The following UIMC1 variants were observed in gnomAD, a reference collection of about 807,000 sequenced individuals.
UIMC1 encodes the protein BRCA1-A complex subunit RAP80.
In UIMC1, 42 loss-of-function variants were observed where a neutral mutation model predicts 84.9. The ratio of observed to expected loss-of-function variants is 0.49; its 90% confidence interval spans 0.39 to 0.64. The LOEUF (loss-of-function observed/expected upper bound fraction) is 0.64, where lower values mean the gene tolerates loss of function less well. Ranked by LOEUF, UIMC1 falls within the 30% of genes least tolerant of loss-of-function variation. The pLI, the probability that UIMC1 is intolerant of heterozygous loss-of-function variation, is 0.00. For synonymous variants in UIMC1, 281 were observed against 293.0 expected, an observed-to-expected ratio of 0.96 and a Z score of 0.42; for missense variants, 825 against 847.6, an observed-to-expected ratio of 0.97 and a Z score of 0.33.
chr5:177,012,597 G>A (rs1173468147), intron 1 of UIMC1, among the ~76,000 whole-genome samples: 1 of 152,028 alleles, frequency 6.6e-6, no homozygotes, highest in Non-Finnish European at 1.5e-5. Flanking sequence ...GGAGGCTGAG[G>A]CAAGAGAATC....
chr5:177,005,993 C>G (rs1306658854), intron 1 of UIMC1, among the ~76,000 whole-genome samples: 1 of 152,118 alleles, frequency 6.6e-6, no homozygotes, highest in Non-Finnish European at 1.5e-5. Flanking sequence ...TAGGGATCTC[C>G]AAGGAGTGCG....
intron 10 of UIMC1, among the ~76,000 whole-genome samples, chr5:176,930,383 T>C (rs982126310): frequency 3.3e-5 from 5 of 152,236 alleles, no homozygotes; most frequent in African/African-American, 1.2e-4. Flanking sequence ...AGAGCACAGA[T>C]TACTAGCTTT....
intron 10 of UIMC1, among the ~76,000 whole-genome samples, chr5:176,911,998 T>G (rs1760274851): frequency 6.6e-6 from 1 of 152,222 alleles, no homozygotes; most frequent in Admixed American, 6.5e-5. Context: ...AATAGTCTCT[T>G]AAAGGATCTT....
At chr5:176,926,307 A>G (rs1476594348) in intron 10 of UIMC1, among the ~76,000 whole-genome samples, 1 of 152,020 alleles carries the variant, frequency 6.6e-6, no homozygotes, top group Non-Finnish European at 1.5e-5. Flanking sequence ...TGAGTATAAT[A>G]ATGGTGTTAC....
chr5:176,908,280 A>G (rs1759666437), intron 12 of UIMC1, among the ~76,000 whole-genome samples: 1 of 152,216 alleles, frequency 6.6e-6, no homozygotes, highest in Non-Finnish European at 1.5e-5. Flanking sequence ...GAGTAGCTAA[A>G]TTATAGGTGA....
chr5:176,977,240 A>AG (rs1401619406), intron 2 of UIMC1, among the ~76,000 whole-genome samples: 12 of 151,330 alleles, frequency 7.9e-5, no homozygotes, highest in Admixed American at 1.3e-4. Context: ...AAAAAAAAAA[A>AG]AGAGAGAGAG....
chr5:177,001,893 T>C (rs1338221260), intron 1 of UIMC1: 1 of 139,114 alleles, frequency 7.2e-6, no homozygotes, highest in Non-Finnish European at 1.5e-5. Flanking sequence ...GAGCTTGCAG[T>C]GAGCTGAGAT....
upstream of UIMC1, among the ~76,000 whole-genome samples, chr5:177,008,601 T>C (rs1285057585): frequency 1.3e-5 from 2 of 152,120 alleles, no homozygotes; most frequent in Admixed American, 6.6e-5. Flanking sequence ...GGAAGACTAT[T>C]GATGCATTGG....
At position 176,905,229 on chromosome 5, in the gene UIMC1, AC is replaced by A. The variant is rs895305966; in HGVS notation, c.*52del. On this transcript the variant is annotated 3_prime_UTR_variant, in exon 15 of 15. Coordinates refer to ENST00000511320, the MANE Select transcript of UIMC1 (RefSeq NM_001199298.2). ...ACTAGGGACCACTATGGCTTAATGA[AC>A]ATGGCCCACCCCTCCTACTAATGGT... The A allele has an allele frequency of 6.3e-7, 1 of 1,590,106 alleles. No individual in the cohort carries two copies. Among genetic ancestry groups the A allele is most frequent in the Non-Finnish European group, 8.6e-7 (1 of 1,164,502 alleles).
At position 176,951,489 on chromosome 5, in the gene UIMC1, T is replaced by C; in HGVS notation, c.1428A>G (p.Ile476Met). Residue 476 changes from isoleucine (I) to methionine (M), a missense_variant, in exon 9 of 15, where the codon ATA becomes ATG. By Grantham distance (10) the Ile-to-Met change is conservative (BLOSUM62 1). Transcript: ENST00000511320. ...SRDILDGVRI[I>M]MADKEVGNKE... Reference sequence around the variant, plus strand: ...AAATATTCACCTCCTTATCTGCCATTATTATTCTGACTCCATCCAAGATAT... The same window carrying C: ...AAATATTCACCTCCTTATCTGCCATCATTATTCTGACTCCATCCAAGATAT... 1.3e-6 allele frequency: 2 copies of C among 1,554,826 alleles called. No homozygotes were observed. Among genetic ancestry groups the C allele is most frequent in the Non-Finnish European group, 1.7e-6 (2 of 1,154,782 alleles).
chr5:177,008,592 G>A (rs1218903920), upstream of UIMC1, among the ~76,000 whole-genome samples: 2 of 152,162 alleles, frequency 1.3e-5, no homozygotes, highest in Non-Finnish European at 2.9e-5. Flanking sequence ...TTACTTCAGG[G>A]AAGACTATTG....
chr5:176,972,339 T>C (rs1475473596), intron 3 of UIMC1, among the ~76,000 whole-genome samples: 1 of 151,904 alleles, frequency 6.6e-6, no homozygotes, highest in Non-Finnish European at 1.5e-5. Flanking sequence ...AAGGCAGAGC[T>C]TGCAGTGAGC....
intron 7 of UIMC1, 150 bp downstream of exon 7, chr5:176,957,943 A>C (rs1766812956): frequency 1.9e-6 from 1 of 540,208 alleles, no homozygotes; most frequent in African/African-American, 1.9e-5. Flanking sequence ...GAGAACTTAG[A>C]GATACTAATA....
chr5:176,974,981 C>T (rs1487600273), intron 3 of UIMC1, among the ~76,000 whole-genome samples: 2 of 151,526 alleles, frequency 1.3e-5, no homozygotes, highest in East Asian at 1.9e-4. Flanking sequence ...CAGCAGGACC[C>T]TGTGTTAAAA....
chr5:176,977,604 A>G (rs1770322646), intron 2 of UIMC1, among the ~76,000 whole-genome samples: 1 of 139,898 alleles, frequency 7.1e-6, no homozygotes, highest in African/African-American at 2.7e-5. Flanking sequence ...AAAAGAAAAG[A>G]AAAAAAAAAA....
intron 10 of UIMC1, among the ~76,000 whole-genome samples, chr5:176,927,076 T>C (rs770259992): frequency 1.3e-5 from 2 of 152,014 alleles, no homozygotes; most frequent in South Asian, 2.1e-4. Flanking sequence ...TAAAGACCAG[T>C]AGTGGTCAGG....
chr5:177,016,228 G>C (rs1345989540), intron 1 of UIMC1, among the ~76,000 whole-genome samples: 1 of 152,158 alleles, frequency 6.6e-6, no homozygotes, highest in South Asian at 2.1e-4. Flanking sequence ...GCCAGGCATG[G>C]TGGCTGGTGC....
At chr5:176,910,436 C>T (rs1020654922) in intron 11 of UIMC1, among the ~76,000 whole-genome samples, 2 of 152,208 alleles carry the variant, frequency 1.3e-5, no homozygotes, top group African/African-American at 4.8e-5. Context: ...ATGAGTCAGG[C>T]AAATCTAGTT....
In UIMC1 at chr5:176,959,904, G is replaced by A. The variant is rs529333062; in HGVS notation, c.1201-1750C>T. 2.2e-4 allele frequency among the ~76,000 whole-genome samples: 33 copies of A among 152,138 alleles called. No individual in the cohort carries two copies. In the South Asian group the frequency reaches 6.4e-3, roughly 30 times the overall value. On this transcript the variant is annotated intron_variant, in intron 6 of 14. Coordinates refer to ENST00000511320, the MANE Select transcript of UIMC1 (RefSeq NM_001199298.2). The stretch of plus-strand genomic sequence containing the variant: ...AAATTAGCCGGGCATGGTGGCTCAC[G>A]CCTCTAATGCCAGCTACTCGGGAGG...
Sources: allele counts gnomAD v4.1 joint callset (sites outside exome capture counted in the v4.1 genomes callset), GRCh38; gene constraint gnomAD v4.1.1; transcripts MANE v1.5; gene names NCBI Gene and HGNC (gene_info 2026-07-23, HGNC 2026-07-21).